The following CD59 variants were observed in gnomAD, a reference collection of about 807,000 sequenced individuals.
CD59 encodes the protein CD59 glycoprotein.
In CD59, 3 loss-of-function variants were observed where a neutral mutation model predicts 7.0. The observed-to-expected ratio is 0.43, with a 90% confidence interval of 0.19 to 1.10. The LOEUF is 1.10. Among genes scored for constraint, CD59 ranks in the 50% least tolerant of loss-of-function variants. CD59 has a pLI of 0.29. For missense variants in CD59, 143 were observed against 151.0 expected (o/e 0.95, Z 0.28); for synonymous variants, 60 against 62.0 (o/e 0.97, Z 0.15).
intron 1 of CD59, among the ~76,000 whole-genome samples, chr11:33,730,271 C>G (rs1854378411): frequency 6.6e-6 from 1 of 151,774 alleles, no homozygotes; most frequent in South Asian, 2.1e-4. Context: ...AAAAAATAGC[C>G]AGGTGTGGTG....
rs973460898 is a variant in CD59 at position 33,708,458 on chromosome 11, A to T, written c.*1668T>A. On this transcript the variant is annotated 3_prime_UTR_variant, in exon 4 of 4. Coordinates refer to ENST00000642928, the MANE Select transcript of CD59 (RefSeq NM_000611.6). ...TTTCTGGAGTGTGGCTGAATTCCCC[A>T]CCCCCCCGCCCCCAAAAAAGTTCCC... 2.2e-5 allele frequency: 1 copy of T among 46,102 alleles called. No homozygotes were observed. The highest frequency in any genetic ancestry group is 7.8e-5 in the African/African-American group (1 of 12,852). 2.9% of individuals were successfully genotyped at this position (46,102 alleles called of 1,614,324 possible). A position where few individuals can be genotyped will look rare whatever the true frequency, so the allele number is the denominator to read the frequency against.
Position 33,709,936 on chromosome 11 carries a change from G to A in CD59, c.*190C>T. On this transcript the variant is annotated 3_prime_UTR_variant, in exon 4 of 4. Transcript: ENST00000642928. ...TCTTAGACTTCTTCCTTCAAGTGGG[G>A]CTTCCCTGCAAACAGGACTGGTCTT... 1.6e-6 allele frequency: 1 copy of A among 639,848 alleles called. No homozygotes were observed. Among genetic ancestry groups the A allele is most frequent in the Admixed American group, 2.5e-5 (1 of 39,522 alleles). The allele number at this position is 639,848 out of a possible 1,614,324, so 39.6% of individuals were successfully genotyped here.
In CD59 at chr11:33,704,858, TAAGGACC is replaced by T. The variant is rs1853245719; in HGVS notation, c.*5261_*5267del. 6.5e-6 allele frequency: 1 copy of T among 152,774 alleles called. No individual in the cohort carries two copies. Among genetic ancestry groups the T allele is most frequent in the African/African-American group, 2.4e-5 (1 of 41,570 alleles). 9.5% of individuals were successfully genotyped at this position (152,774 alleles called of 1,614,324 possible). On this transcript the variant is annotated 3_prime_UTR_variant, in exon 4 of 4. Coordinates refer to ENST00000642928, the MANE Select transcript of CD59 (RefSeq NM_000611.6). ...ACAGGAGGTTGTTTGTGCCACAATT[TAAGGACC>T]AAGCTATTCTGGGAAGCCCAGAACA...
intron 2 of CD59, chr11:33,717,979 A>C (rs1853877272): frequency 5.4e-6 from 1 of 186,266 alleles, no homozygotes; most frequent in Admixed American, 5.4e-5. Context: ...ATGCGAGGGA[A>C]CACTAATTTT....
rs80074245 is a variant in CD59, at chr11:33,705,038, C to T, written c.*5088G>A. Reference sequence around the variant, plus strand: ...TCCCAGGTAAATGTGGTCCTATGTACTTGCAGAGTAAGAATTTAAAAAAAT... The same window carrying T: ...TCCCAGGTAAATGTGGTCCTATGTATTTGCAGAGTAAGAATTTAAAAAAAT... On this transcript the variant is annotated 3_prime_UTR_variant, in exon 4 of 4. Coordinates refer to ENST00000642928, the MANE Select transcript of CD59 (RefSeq NM_000611.6). 6.6e-6 allele frequency: 1 copy of T among 152,152 alleles called. No homozygotes were observed. Among genetic ancestry groups the T allele is most frequent in the East Asian group, 1.9e-4 (1 of 5,178 alleles). 9.4% of individuals were successfully genotyped at this position (152,152 alleles called of 1,614,324 possible).
At chr11:33,716,420 G>A (rs1229134723) in intron 3 of CD59, among the ~76,000 whole-genome samples, 6 of 152,026 alleles carry the variant, frequency 3.9e-5, no homozygotes, top group Non-Finnish European at 7.4e-5. Flanking sequence ...GGTGTAGAAG[G>A]TCTAAGAGTA....
intron 1 of CD59, among the ~76,000 whole-genome samples, chr11:33,727,033 T>C (rs1418766122): frequency 6.6e-6 from 1 of 152,194 alleles, no homozygotes; most frequent in Admixed American, 6.5e-5. Context: ...CAATAATTAA[T>C]AGCCTACCAA....
intron 1 of CD59, among the ~76,000 whole-genome samples, chr11:33,728,768 T>A (rs1162011084): frequency 2.0e-5 from 3 of 152,102 alleles, no homozygotes; most frequent in East Asian, 1.9e-4. Context: ...TTGCAATCTA[T>A]CCATCTGACA....
chr11:33,715,979 G>A (rs1853772206), intron 3 of CD59, among the ~76,000 whole-genome samples: 1 of 152,200 alleles, frequency 6.6e-6, no homozygotes, highest in Non-Finnish European at 1.5e-5. Context: ...GTAGTGAGGA[G>A]TCCAAGAGAC....
intron 1 of CD59, among the ~76,000 whole-genome samples, chr11:33,735,983 G>A (rs945723620): frequency 7.2e-5 from 11 of 152,074 alleles, no homozygotes; most frequent in African/African-American, 2.7e-4. Flanking sequence ...CGCGAGGGGA[G>A]AGAGGAACTG....
intron 1 of CD59, among the ~76,000 whole-genome samples, chr11:33,730,105 C>G (rs1361744405): frequency 6.6e-6 from 1 of 151,982 alleles, no homozygotes; most frequent in Admixed American, 6.6e-5. Context: ...TTTATCACTA[C>G]CCAAAAACAT....
In CD59 at chr11:33,706,370, C is replaced by G. The variant is rs1481855502; in HGVS notation, c.*3756G>C. ...CTTCTGGCTAGTTTTCACTTATGTCCAAGTCAGTGGGGGTAAATGCATTGT... is the reference window on the plus strand; with the variant it reads ...CTTCTGGCTAGTTTTCACTTATGTCGAAGTCAGTGGGGGTAAATGCATTGT... On this transcript the variant is annotated 3_prime_UTR_variant, in exon 4 of 4. Transcript: ENST00000642928. 1 of 151,986 alleles carries G rather than the reference C, an allele frequency of 6.6e-6. No homozygotes were observed. Among genetic ancestry groups the G allele is most frequent in the Non-Finnish European group, 1.5e-5 (1 of 67,988 alleles). The allele number at this position is 151,986 out of a possible 1,614,324, so 9.4% of individuals were successfully genotyped here. A position where few individuals can be genotyped will look rare whatever the true frequency, so the allele number is the denominator to read the frequency against.
intron 2 of CD59, among the ~76,000 whole-genome samples, chr11:33,721,897 A>C (rs1406265294): frequency 6.6e-6 from 1 of 152,240 alleles, no homozygotes; most frequent in Non-Finnish European, 1.5e-5. Context: ...AAATACACGT[A>C]AAATGCTTAG....
chr11:33,734,217 C>T (rs1854499650), intron 1 of CD59, among the ~76,000 whole-genome samples: 1 of 152,218 alleles, frequency 6.6e-6, no homozygotes. Context: ...ATTACATCAG[C>T]AGGAAGAGAC....
In CD59 at chr11:33,709,102, G is replaced by T. The variant is rs542072344; in HGVS notation, c.*1024C>A. 1.3e-5 allele frequency: 2 copies of T among 152,368 alleles called. No homozygotes were observed. Among genetic ancestry groups the T allele is most frequent in the East Asian group, 3.9e-4 (2 of 5,192 alleles). The allele number at this position is 152,368 out of a possible 1,614,324, so 9.4% of individuals were successfully genotyped here. A position where few individuals can be genotyped will look rare whatever the true frequency, so the allele number is the denominator to read the frequency against. On this transcript the variant is annotated 3_prime_UTR_variant, in exon 4 of 4. Transcript: ENST00000642928. ...GAGCTTCTGAAAGCCTCAAACATCT[G>T]TGAGTGTGCTAAGAGCCGTTACAAA...
intron 1 of CD59, among the ~76,000 whole-genome samples, chr11:33,732,461 G>C (rs1854447947): frequency 6.6e-6 from 1 of 152,148 alleles, no homozygotes; most frequent in Non-Finnish European, 1.5e-5. Context: ...AGTTTCCTAA[G>C]GCCTTCCCAG....
In CD59 at chr11:33,710,359, C is replaced by G. The variant is rs1265859223; in HGVS notation, c.170-16G>C. The G allele has an allele frequency of 6.3e-7, 1 of 1,597,546 alleles. No homozygotes were observed. The highest frequency in any genetic ancestry group is 8.6e-7 in the Non-Finnish European group (1 of 1,164,876). ...ACTTGTAACCCTGTGGGGAGACACA[C>G]ACAAGGGTAAGAAAGTAAGTGGGAA... On this transcript the variant is annotated splice_polypyrimidine_tract_variant and intron_variant, in intron 3 of 3. Coordinates refer to ENST00000642928, the MANE Select transcript of CD59 (RefSeq NM_000611.6).
intron 1 of CD59, among the ~76,000 whole-genome samples, chr11:33,726,080 T>C (rs963474965): frequency 1.3e-5 from 2 of 152,132 alleles, no homozygotes; most frequent in African/African-American, 4.8e-5. Context: ...ACAATAATAG[T>C]GGGAGACTTT....
At chr11:33,711,444 T>C (rs777752258) in intron 3 of CD59, 8 of 699,724 alleles carry the variant, frequency 1.1e-5, no homozygotes, top group South Asian at 4.5e-5. Context: ...CCCAGCACTT[T>C]AGGAGGCTGA....
Sources: gnomAD v4.1 joint callset for allele counts (sites outside exome capture counted in the v4.1 genomes callset) on GRCh38, gnomAD v4.1.1 for gene constraint, MANE v1.5 for transcripts, NCBI Gene and HGNC (gene_info 2026-07-23, HGNC 2026-07-21) for gene names.